Variants in SASH1 observed in about 807,000 individuals in gnomAD.
SASH1 encodes the protein SAM and SH3 domain-containing protein 1.
SASH1 carries 44 observed loss-of-function variants against 125.2 expected under a neutral mutation model. The observed-to-expected ratio is 0.35, with a 90% confidence interval of 0.28 to 0.45. The LOEUF (loss-of-function observed/expected upper bound fraction) is 0.45, where lower values mean the gene tolerates loss of function less well. SASH1 is among the 20% of genes least tolerant of loss of function. The pLI, the probability that SASH1 is intolerant of heterozygous loss-of-function variation, is 1.00. For missense variants in SASH1, 1,426 were observed against 1,614.5 expected (o/e 0.88, Z 2.00); for synonymous variants, 639 against 649.1 (o/e 0.98, Z 0.24).
At chr6:148,373,974 C>T (rs989754250) in intron 1 of SASH1, among the ~76,000 whole-genome samples, 4 of 152,038 alleles carry the variant, frequency 2.6e-5, no homozygotes, top group Admixed American at 6.6e-5. Flanking sequence ...AGTGAGACTC[C>T]GTCTCAAAAA....
chr6:148,491,471 T>G (rs1039994937), intron 8 of SASH1, among the ~76,000 whole-genome samples: 8 of 152,170 alleles, frequency 5.3e-5, no homozygotes, highest in African/African-American at 1.9e-4. Flanking sequence ...GGTTTCACCA[T>G]GTTGACCAGG....
chr6:148,271,304 G>A (rs140214352), upstream of SASH1, among the ~76,000 whole-genome samples: 2 of 152,290 alleles, frequency 1.3e-5, no homozygotes, highest in Non-Finnish European at 2.9e-5. Context: ...CATGAAGATA[G>A]GAGAAATACT....
At chr6:148,293,363 G>A (rs1023618666) in intron 1 of SASH1, among the ~76,000 whole-genome samples, 1 of 152,214 alleles carries the variant, frequency 6.6e-6, no homozygotes, top group African/African-American at 2.4e-5. Context: ...TTGGTTTGCA[G>A]TTCTGTCAGA....
the SASH1 span, among the ~76,000 whole-genome samples, chr6:148,234,530 A>G: frequency 4.5e-4 from 68 of 151,824 alleles, no homozygotes; most frequent in African/African-American, 1.6e-3. Flanking sequence ...TGAGGATAAG[A>G]AGAAGGAGGA....
At chr6:148,409,755 G>A (rs1334132639) in intron 2 of SASH1, among the ~76,000 whole-genome samples, 2 of 152,112 alleles carry the variant, frequency 1.3e-5, no homozygotes, top group Admixed American at 1.3e-4. Context: ...CCAACATGGT[G>A]AAACCCCATC....
intron 10 of SASH1, chr6:148,525,043 C>T: frequency 6.8e-6 from 3 of 443,176 alleles, no homozygotes; most frequent in East Asian, 4.1e-5. Context: ...TTGGTTTTTG[C>T]ATGTTAAGGG....
chr6:148,398,335 C>T (rs7746874), intron 2 of SASH1, among the ~76,000 whole-genome samples: 50,421 of 152,098 alleles, frequency 0.33, 8,540 homozygotes, highest in South Asian at 0.39. Flanking sequence ...CGCAGACATG[C>T]GCACATAGTC....
intron 2 of SASH1, among the ~76,000 whole-genome samples, chr6:148,397,965 T>C (rs934482291): frequency 6.6e-6 from 1 of 152,108 alleles, no homozygotes; most frequent in African/African-American, 2.4e-5. Context: ...AGAGGGTCCC[T>C]GATGACTCCT....
chr6:148,423,229 G>A (rs958568695), intron 2 of SASH1, among the ~76,000 whole-genome samples: 7 of 152,176 alleles, frequency 4.6e-5, no homozygotes, highest in African/African-American at 1.4e-4. Flanking sequence ...GAGCCACCGC[G>A]CCCAGCCCCA....
At chr6:148,387,591 T>C (rs1176677639) in intron 1 of SASH1, among the ~76,000 whole-genome samples, 42 of 9,188 alleles carry the variant, frequency 4.6e-3, no homozygotes, top group Middle Eastern at 0.071. Flanking sequence ...TTTCTTTCTT[T>C]CTTTCTTTCT....
intron 2 of SASH1, among the ~76,000 whole-genome samples, chr6:148,410,806 T>C (rs1006073685): frequency 1.3e-5 from 2 of 152,158 alleles, no homozygotes; most frequent in African/African-American, 4.8e-5. Flanking sequence ...ACTAACACGC[T>C]GTAGTGCCAC....
chr6:148,258,842 A>G, the SASH1 span, among the ~76,000 whole-genome samples: 7 of 152,208 alleles, frequency 4.6e-5, no homozygotes, highest in African/African-American at 7.2e-5. Context: ...GGAAAACTCA[A>G]TACAAGTTGA....
chr6:148,404,929 G>A (rs1266901185), intron 2 of SASH1, among the ~76,000 whole-genome samples: 1 of 151,090 alleles, frequency 6.6e-6, no homozygotes, highest in Non-Finnish European at 1.5e-5. Flanking sequence ...TTGTGTAGTC[G>A]CAAGGAGCTG....
upstream of SASH1, among the ~76,000 whole-genome samples, chr6:148,269,980 A>G (rs9373554): frequency 0.45 from 68,767 of 152,058 alleles, 16,091 homozygotes; most frequent in South Asian, 0.53. Flanking sequence ...GTCTCCCAGT[A>G]TACAATTATT....
intron 1 of SASH1, among the ~76,000 whole-genome samples, chr6:148,333,075 C>T (rs560015999): frequency 5.9e-5 from 9 of 152,108 alleles, no homozygotes; most frequent in South Asian, 2.1e-4. Flanking sequence ...TTCACATTTC[C>T]TCAGCTCCTC....
At position 148,549,419 on chromosome 6, in the gene SASH1, G is replaced by A. The variant is rs551440299; in HGVS notation, c.*861G>A. 12 of 391,586 alleles carry A rather than the reference G, an allele frequency of 3.1e-5. No homozygotes were observed. The highest frequency in any genetic ancestry group is 7.2e-5 in the East Asian group (2 of 27,746). 24.3% of individuals were successfully genotyped at this position (391,586 alleles called of 1,614,324 possible). ...AAATATCATGTGTGTGCGTGCGTGCGTGCGCGTGTGTGTCTGTATTCATAG... is the reference window on the plus strand; with the variant it reads ...AAATATCATGTGTGTGCGTGCGTGCATGCGCGTGTGTGTCTGTATTCATAG... On this transcript the variant is annotated 3_prime_UTR_variant, in exon 20 of 20. Transcript: ENST00000367467.
chr6:148,468,666 C>T, intron 5 of SASH1, 81 bp downstream of exon 5: 11 of 847,624 alleles, frequency 1.3e-5, no homozygotes, highest in Non-Finnish European at 1.9e-6. Flanking sequence ...AATACAAAAC[C>T]CACAAGAATC....
chr6:148,390,282 A>G lies in SASH1; in HGVS notation c.285+20A>G, dbSNP rs773808908. On this transcript the variant is annotated intron_variant, in intron 2 of 19. Coordinates refer to ENST00000367467, the MANE Select transcript of SASH1 (RefSeq NM_015278.5). ...GAAGTGGTGAGTGGGGGTCCTGGGA[A>G]TATGCTTCTGTGAGCAGAGCTGCTC... 9.0e-5 allele frequency: 145 copies of G among 1,606,910 alleles called. No homozygotes were observed. Among genetic ancestry groups the G allele is most frequent in the Non-Finnish European group, 1.2e-4 (140 of 1,176,916 alleles).
rs370734213 is a variant in SASH1, at chr6:148,533,876, A to G, written c.1840A>G (p.Ser614Gly). Residue 614 changes from serine (S) to glycine (G), a missense_variant, in exon 15 of 20, where the codon AGT (serine) becomes GGT (glycine). Physicochemically the swap from Ser to Gly is moderately conservative, Grantham distance 56. Around this residue, in one of 3 missense-constraint regions of SASH1, gnomAD observed 225 missense variants for 344.5 expected, o/e 0.65. Transcript: ENST00000367467. The surrounding 1 kb of genome is among the most constrained non-coding windows in gnomAD (Gnocchi z 6.2). ...TFKFIYVDVLSEDEEKPKRPT... is the reference protein window; with the variant it reads ...TFKFIYVDVLGEDEEKPKRPT... ...CAAGTTCATCTACGTGGACGTGCTC[A>G]GTGAAGACGAGGAGAAACCCAAACG... 6.2e-7 allele frequency: 1 copy of G among 1,614,128 alleles called. No individual in the cohort carries two copies. Among genetic ancestry groups the G allele is most frequent in the South Asian group, 1.1e-5 (1 of 91,072 alleles).
Sources: allele counts gnomAD v4.1 joint callset (sites outside exome capture counted in the v4.1 genomes callset), GRCh38; gene constraint gnomAD v4.1.1; regional missense constraint gnomAD v4.1.1; non-coding constraint Gnocchi (gnomAD v3.1); transcripts MANE v1.5; gene names NCBI Gene and HGNC (gene_info 2026-07-23, HGNC 2026-07-21).